Variants in EDEM2 observed in about 807,000 individuals in gnomAD.
The protein encoded by EDEM2 is ER degradation-enhancing alpha-mannosidase-like protein 2.
In EDEM2, 39 loss-of-function variants were observed where a neutral mutation model predicts 64.8. The observed-to-expected ratio is 0.60, with a 90% CI of 0.47 to 0.79. The LOEUF is 0.79. Among genes scored for constraint, EDEM2 ranks in the 30% least tolerant of loss-of-function variants. The pLI is 0.00. For synonymous variants in EDEM2, 296 were observed against 291.5 expected, an observed-to-expected ratio of 1.02 and a Z score of -0.16; for missense variants, 609 against 731.3, an observed-to-expected ratio of 0.83 and a Z score of 1.93.
chr20:35,146,990 G>A (rs2085743047), intron 1 of EDEM2, 55 bp from the exon 2 acceptor site: 4 of 1,582,478 alleles, frequency 2.5e-6, no homozygotes, highest in Non-Finnish European at 1.7e-6. Flanking sequence ...ACAAGCGGGG[G>A]AAGAACAAGA....
intron 8 of EDEM2, among the ~76,000 whole-genome samples, chr20:35,125,930 C>T (rs562264277): frequency 5.3e-5 from 8 of 152,250 alleles, no homozygotes; most frequent in African/African-American, 1.4e-4. Context: ...CTGAGGCCCA[C>T]TGTCAAGAAT....
In EDEM2 at chr20:35,118,671, G is replaced by A. The variant is rs568666906; in HGVS notation, c.1163C>T (p.Thr388Ile). Residue 388 changes from threonine to isoleucine, a missense_variant, in exon 10 of 11, where the codon ACC (threonine) becomes ATC (isoleucine). Thr to Ile is a moderately conservative substitution (Grantham distance 89). Coordinates refer to ENST00000374492, the MANE Select transcript of EDEM2 (RefSeq NM_018217.3). Reference protein sequence around the residue: ...MYLYRATGDPTLLELGRDAVE... With the variant: ...MYLYRATGDPILLELGRDAVE... ...AGCATCTCTTCCGAGTTCTAGGAGGGTGGGATCCCCCGTGGCACGGTAGAG... is the reference window on the plus strand; with the variant it reads ...AGCATCTCTTCCGAGTTCTAGGAGGATGGGATCCCCCGTGGCACGGTAGAG... The A allele has an allele frequency of 2.3e-5, 37 of 1,613,594 alleles. No homozygotes were observed. In the East Asian group the frequency reaches 4.9e-4, roughly 21 times the overall value.
intron 4 of EDEM2, among the ~76,000 whole-genome samples, chr20:35,138,520 A>G (rs633784): frequency 0.76 from 115,578 of 151,886 alleles, 44,258 homozygotes; most frequent in Middle Eastern, 0.89. Context: ...AGGGGTAATG[A>G]TGGTTATTAC....
chr20:35,121,529 G>A (rs1308683024), intron 9 of EDEM2, among the ~76,000 whole-genome samples: 1 of 152,188 alleles, frequency 6.6e-6, no homozygotes, highest in Non-Finnish European at 1.5e-5. Flanking sequence ...ACTTGTACCG[G>A]TCCACGGCCT....
intron 7 of EDEM2, among the ~76,000 whole-genome samples, chr20:35,131,117 G>C (rs751680390): frequency 4.6e-5 from 7 of 152,204 alleles, no homozygotes; most frequent in African/African-American, 7.2e-5. Context: ...ATGTGCAATG[G>C]CCAGGAGATA....
chr20:35,134,781 A>C lies in EDEM2; in HGVS notation c.659T>G (p.Val220Gly), dbSNP rs774740485. 12 of 1,613,640 alleles carry C rather than the reference A, an allele frequency of 7.4e-6. No homozygotes were observed. The highest frequency in any genetic ancestry group is 5.0e-5 in the Admixed American group (3 of 59,980). ...GCTCTCCCAGAGGCGCATCAAAGCC[A>C]CTCTGGCCACATCTTCGAACACCGG... ...GDPVFEDVARVALMRLWESRS... is the reference protein window; with the variant it reads ...GDPVFEDVARGALMRLWESRS... The change falls in exon 6 of 11, where the codon GTG becomes GGG. Residue 220 changes from valine (V) to glycine (G), a missense_variant. Physicochemically the swap from Val to Gly is moderately radical, Grantham distance 109. Coordinates refer to ENST00000374492, the MANE Select transcript of EDEM2 (RefSeq NM_018217.3).
intron 9 of EDEM2, among the ~76,000 whole-genome samples, chr20:35,120,114 A>T (rs560340012): frequency 8.5e-5 from 13 of 152,212 alleles, no homozygotes; most frequent in African/African-American, 3.1e-4. Flanking sequence ...CCCAGGCTGG[A>T]GTGCCATGGT....
At chr20:35,130,290 G>C (rs1206949040) in intron 7 of EDEM2, among the ~76,000 whole-genome samples, 4 of 151,960 alleles carry the variant, frequency 2.6e-5, no homozygotes, top group Non-Finnish European at 5.9e-5. Context: ...GGCTGATCTT[G>C]AACTTCTGGG....
chr20:35,129,161 C>T (rs975867490), intron 7 of EDEM2, among the ~76,000 whole-genome samples: 3 of 152,036 alleles, frequency 2.0e-5, no homozygotes. Flanking sequence ...AATCCTAGCA[C>T]TTTGGGAGGC....
intron 5 of EDEM2, among the ~76,000 whole-genome samples, chr20:35,136,274 A>G (rs1049063693): frequency 2.6e-5 from 4 of 152,214 alleles, no homozygotes; most frequent in Non-Finnish European, 5.9e-5. Flanking sequence ...CAATGACCAA[A>G]AATAATTAAA....
chr20:35,116,663 T>C (rs2085313068), intron 10 of EDEM2, among the ~76,000 whole-genome samples: 1 of 152,150 alleles, frequency 6.6e-6, no homozygotes, highest in Non-Finnish European at 1.5e-5. Context: ...ATCCCCTTTA[T>C]CCCAACTTTT....
rs772650001 is a variant in EDEM2 at position 35,146,859 on chromosome 20, G to A, written c.184C>T (p.Pro62Ser). ...ENAFPFDELR[P>S]LTCDGHDTWG... is the part of the protein sequence containing the mutation. ...GTGTCGTGCCCGTCACAGGTGAGAG[G>A]TCGCAGCTCATCGAAGGGAAAGGCA... Residue 62 changes from proline (P) to serine (S), a missense_variant, in exon 2 of 11, where the codon CCT becomes TCT. Transcript: ENST00000374492. 1 of 1,614,182 alleles carries A rather than the reference G, an allele frequency of 6.2e-7. No homozygotes were observed. The highest frequency in any genetic ancestry group is 1.7e-5 in the Admixed American group (1 of 60,018).
At chr20:35,119,664 C>T (rs2085346492) in intron 9 of EDEM2, among the ~76,000 whole-genome samples, 1 of 152,096 alleles carries the variant, frequency 6.6e-6, no homozygotes, top group African/African-American at 2.4e-5. Context: ...AAGACGTAGT[C>T]ATCAGTTCAC....
intron 5 of EDEM2, among the ~76,000 whole-genome samples, chr20:35,137,187 G>A (rs893987421): frequency 6.6e-6 from 1 of 152,164 alleles, no homozygotes; most frequent in Non-Finnish European, 1.5e-5. Context: ...GGAGGCCGAG[G>A]CAGCCAGATC....
intron 7 of EDEM2, among the ~76,000 whole-genome samples, chr20:35,128,564 C>CT (rs139140894): frequency 0.41 from 52,395 of 128,642 alleles, 12,236 homozygotes; most frequent in Admixed American, 0.59. Flanking sequence ...AAAACTCTGT[C>CT]TAAAAAAAAA....
rs371815973 is a variant in EDEM2, at chr20:35,134,592, TTGGTCTATTTTTGG to T, written c.702+132_702+145del. Reference sequence around the variant, plus strand: ...TCCAAGCCAAACTTGAATTGGAGGCTTGGTCTATTTTTGGTGTCCTGAGCCCAAATCCTGGACCA... The same window carrying T: ...TCCAAGCCAAACTTGAATTGGAGGCTTGTCCTGAGCCCAAATCCTGGACCA... On this transcript the variant is annotated intron_variant, in intron 6 of 10. Transcript: ENST00000374492. The T allele has an allele frequency of 5.7e-5, 48 of 836,582 alleles. 2 individuals carry two copies. Among genetic ancestry groups the T allele is most frequent in the African/African-American group, 5.6e-4 (33 of 58,680 alleles). The allele number at this position is 836,582 out of a possible 1,614,324, so 51.8% of individuals were successfully genotyped here. A position where few individuals can be genotyped will look rare whatever the true frequency, so the allele number is the denominator to read the frequency against.
intron 7 of EDEM2, among the ~76,000 whole-genome samples, chr20:35,129,331 C>T (rs1324861570): frequency 6.6e-6 from 1 of 151,650 alleles, no homozygotes; most frequent in Non-Finnish European, 1.5e-5. Flanking sequence ...TGCTAGAACC[C>T]GGGAGGCAGA....
chr20:35,143,320 A>C (rs1245851720), intron 3 of EDEM2, among the ~76,000 whole-genome samples: 1 of 152,190 alleles, frequency 6.6e-6, no homozygotes, highest in Non-Finnish European at 1.5e-5. Context: ...AGGGACAAAC[A>C]CAGCTAACAT....
chr20:35,136,017 G>A (rs2085571399), intron 5 of EDEM2, among the ~76,000 whole-genome samples: 2 of 152,254 alleles, frequency 1.3e-5, no homozygotes, highest in South Asian at 4.1e-4. Flanking sequence ...TGGGCCTAAA[G>A]GTCAAACAAC....
Sources: gnomAD v4.1 joint callset for allele counts (sites outside exome capture counted in the v4.1 genomes callset) on GRCh38, gnomAD v4.1.1 for gene constraint, MANE v1.5 for transcripts, NCBI Gene and HGNC (gene_info 2026-07-23, HGNC 2026-07-21) for gene names.